NXPE2: variants seen among roughly 807,000 people sequenced by gnomAD.
The protein encoded by NXPE2 is NXPE family member 2.
Under a neutral mutation model 34.4 loss-of-function variants are expected in NXPE2, and 34 were observed. The ratio of observed to expected loss-of-function variants is 0.99; its 90% CI spans 0.75 to 1.31. The LOEUF is 1.31. Ranked by LOEUF, NXPE2 falls within the 40% of genes most tolerant of loss-of-function variation. NXPE2 has a pLI of 0.00. For synonymous variants in NXPE2, 235 were observed against 231.3 expected, an observed-to-expected ratio of 1.02 and a Z score of -0.15; for missense variants, 649 against 672.5, an observed-to-expected ratio of 0.97 and a Z score of 0.39.
In NXPE2 at chr11:114,706,016, T is replaced by C; in HGVS notation, c.1144+20T>C. 8.7e-7 allele frequency: 1 copy of C among 1,145,772 alleles called. No homozygotes were observed. Among genetic ancestry groups the C allele is most frequent in the Non-Finnish European group, 1.1e-6 (1 of 882,982 alleles). 71.0% of individuals were successfully genotyped at this position (1,145,772 alleles called of 1,614,324 possible). A position where few individuals can be genotyped will look rare whatever the true frequency, so the allele number is the denominator to read the frequency against. On this transcript the variant is annotated intron_variant, in intron 5 of 5. Transcript: ENST00000389586. ...TGAAAAGTATGTATTTAATTTATATTTTGAAATTCTATTTGACTTTTGAGG... is the reference window on the plus strand; with the variant it reads ...TGAAAAGTATGTATTTAATTTATATCTTGAAATTCTATTTGACTTTTGAGG...
the NXPE2 span, among the ~76,000 whole-genome samples, chr11:114,621,711 T>C: frequency 6.6e-6 from 1 of 152,112 alleles, no homozygotes; most frequent in South Asian, 2.1e-4. Flanking sequence ...ACTCAGTGGA[T>C]CATAATGATT....
chr11:114,638,999 G>C, the NXPE2 span, among the ~76,000 whole-genome samples: 1 of 152,046 alleles, frequency 6.6e-6, no homozygotes, highest in African/African-American at 2.4e-5. Context: ...CTTCAAAGCT[G>C]TCAGACTGGG....
chr11:114,721,846 G>A, the NXPE2 span, among the ~76,000 whole-genome samples: 4 of 152,152 alleles, frequency 2.6e-5, no homozygotes, highest in African/African-American at 7.2e-5. Context: ...TCTGGAGCAC[G>A]TGTCTTTAGT....
chr11:114,544,777 C>T, the NXPE2 span, among the ~76,000 whole-genome samples: 1 of 152,152 alleles, frequency 6.6e-6, no homozygotes, highest in South Asian at 2.1e-4. Flanking sequence ...TAAGAGGATG[C>T]AGAGATAAGC....
chr11:114,793,416 C>T, the NXPE2 span, among the ~76,000 whole-genome samples: 1 of 152,072 alleles, frequency 6.6e-6, no homozygotes, highest in Admixed American at 6.6e-5. Flanking sequence ...AAAAATCTGT[C>T]ATTTTCTTGG....
chr11:114,529,082 T>G, the NXPE2 span: 1 of 356,280 alleles, frequency 2.8e-6, no homozygotes. Context: ...TTAGCATATT[T>G]TTTTTGAAAG....
the NXPE2 span, among the ~76,000 whole-genome samples, chr11:114,570,095 C>T: frequency 1.3e-5 from 2 of 152,200 alleles, no homozygotes; most frequent in Non-Finnish European, 2.9e-5. Context: ...TCCTGCCTCA[C>T]ATGGTTCCCG....
the NXPE2 span, among the ~76,000 whole-genome samples, chr11:114,665,522 T>G: frequency 6.6e-6 from 1 of 152,174 alleles, no homozygotes; most frequent in Non-Finnish European, 1.5e-5. Flanking sequence ...TCTCAAAGCA[T>G]GCAAAGAGTT....
chr11:114,467,752 T>G, the NXPE2 span, among the ~76,000 whole-genome samples: 5 of 151,700 alleles, frequency 3.3e-5, no homozygotes, highest in African/African-American at 9.7e-5. Flanking sequence ...CTGGGAAACA[T>G]GGTGAAACCC....
the NXPE2 span, among the ~76,000 whole-genome samples, chr11:114,541,960 T>G: frequency 6.6e-6 from 1 of 152,222 alleles, no homozygotes; most frequent in Admixed American, 6.5e-5. Context: ...TTTACTAAGT[T>G]AAGGTCTTTT....
the NXPE2 span, among the ~76,000 whole-genome samples, chr11:114,803,584 C>CTCT: frequency 6.5e-4 from 94 of 144,504 alleles, no homozygotes; most frequent in Middle Eastern, 3.6e-3. Context: ...CTCTCTCTCT[C>CTCT]TTTTTTTTTT....
chr11:114,575,816 C>T, the NXPE2 span, among the ~76,000 whole-genome samples: 1 of 152,020 alleles, frequency 6.6e-6, no homozygotes, highest in African/African-American at 2.4e-5. Flanking sequence ...CTTCAAAATA[C>T]CACCATCATT....
intron 2 of NXPE2, among the ~76,000 whole-genome samples, chr11:114,694,003 GGA>G (rs1361296063): frequency 6.6e-6 from 1 of 152,146 alleles, no homozygotes; most frequent in East Asian, 1.9e-4. Context: ...AAACTCTAGA[GGA>G]GAATATGTTC....
In NXPE2 at chr11:114,698,067, A is replaced by G. The variant is rs937323508; in HGVS notation, c.155A>G (p.His52Arg). Residue 52 changes from histidine to arginine, a missense_variant, in exon 3 of 6, where the codon CAT (histidine) becomes CGT (arginine). Physicochemically the swap from His to Arg is conservative, Grantham distance 29. Transcript: ENST00000389586. ...CAGTTCTCGTTCAACTTGGAAAACC[A>G]TATTATCCTGAACCAAGGGAACATC... Reference protein sequence around the residue: ...HTKFSFNLENHIILNQGNIFK... With the variant: ...HTKFSFNLENRIILNQGNIFK... 5.1e-6 allele frequency: 8 copies of G among 1,553,886 alleles called. No homozygotes were observed. The highest frequency in any genetic ancestry group is 7.0e-6 in the Non-Finnish European group (8 of 1,147,344).
At chr11:114,766,280 G>A in the NXPE2 span, among the ~76,000 whole-genome samples, 25 of 152,128 alleles carry the variant, frequency 1.6e-4, no homozygotes, top group African/African-American at 4.1e-4. Flanking sequence ...CCTCCAAGCT[G>A]CCCTTCCACC....
At chr11:114,630,873 A>G in the NXPE2 span, among the ~76,000 whole-genome samples, 1 of 151,922 alleles carries the variant, frequency 6.6e-6, no homozygotes, top group African/African-American at 2.4e-5. Context: ...GGACATGAAC[A>G]GACACTTCTT....
the NXPE2 span, among the ~76,000 whole-genome samples, chr11:114,731,513 A>C: frequency 1.8e-3 from 277 of 152,340 alleles, 5 homozygotes; most frequent in East Asian, 0.042. Context: ...AGTTCATGGT[A>C]CATCCATACT....
the NXPE2 span, among the ~76,000 whole-genome samples, chr11:114,671,076 AAT>A: frequency 6.8e-6 from 1 of 146,708 alleles, no homozygotes; most frequent in East Asian, 2.0e-4. Context: ...CATAAATATA[AAT>A]ATATATATAA....
chr11:114,661,774 G>T, the NXPE2 span, among the ~76,000 whole-genome samples: 1 of 152,180 alleles, frequency 6.6e-6, no homozygotes, highest in Non-Finnish European at 1.5e-5. Flanking sequence ...TTCAAAACTT[G>T]CTAGGAAGCT....
Sources: gnomAD v4.1 joint callset for allele counts (sites outside exome capture counted in the v4.1 genomes callset) on GRCh38, gnomAD v4.1.1 for gene constraint, MANE v1.5 for transcripts, NCBI Gene and HGNC (gene_info 2026-07-23, HGNC 2026-07-21) for gene names.